Variants in VIT observed in about 807,000 individuals in gnomAD.
VIT encodes vitrin.
In VIT, 99 loss-of-function variants were observed where a neutral mutation model predicts 78.0. That is an observed-to-expected ratio of 1.27 (90% confidence interval 1.08 to 1.50). The LOEUF is 1.50. VIT is among the 40% of genes most tolerant of loss of function. The pLI, the probability that VIT is intolerant of heterozygous loss-of-function variation, is 0.00. For missense variants in VIT, 1,126 were observed against 875.3 expected (o/e 1.29, Z -3.61); for synonymous variants, 374 against 334.3 (o/e 1.12, Z -1.29).
intron 3 of VIT, among the ~76,000 whole-genome samples, chr2:36,731,618 T>G (rs1049015730): frequency 6.6e-6 from 1 of 152,120 alleles, no homozygotes; most frequent in Non-Finnish European, 1.5e-5. Flanking sequence ...AAGTAAGGGC[T>G]ATTATTACTA....
chr2:36,784,077 G>T (rs1232798144), intron 11 of VIT, among the ~76,000 whole-genome samples: 3 of 152,162 alleles, frequency 2.0e-5, no homozygotes, highest in African/African-American at 7.2e-5. Context: ...AAAGTAAGAA[G>T]ATACAGAAGA....
chr2:36,731,440 A>C (rs2148489303), intron 3 of VIT, among the ~76,000 whole-genome samples: 1 of 151,784 alleles, frequency 6.6e-6, no homozygotes, highest in African/African-American at 2.4e-5. Context: ...CACCCGGCTA[A>C]TTTTTTGTAT....
intron 15 of VIT, among the ~76,000 whole-genome samples, chr2:36,809,864 G>T (rs1351613285): frequency 1.3e-5 from 2 of 152,088 alleles, no homozygotes; most frequent in Non-Finnish European, 2.9e-5. Context: ...GGTGGTGCAC[G>T]CCTATTATCC....
rs530974859 is a variant in VIT, at chr2:36,791,439, G to A, written c.1058+4163G>A. On this transcript the variant is annotated intron_variant, in intron 12 of 15. Coordinates refer to ENST00000379242, the MANE Select transcript of VIT (RefSeq NM_053276.4). ...GAAGTTGTCAATGTCCAAATCCCTG[G>A]AAACCGTGAATGTTTTACCTCACAC... Among the ~76,000 whole-genome samples the A allele has an allele frequency of 1.5e-4, 23 of 152,318 alleles. No homozygotes were observed. In the South Asian group the frequency reaches 4.8e-3, roughly 32 times the overall value.
At chr2:36,806,639 C>T (rs1666749608) in intron 14 of VIT, among the ~76,000 whole-genome samples, 1 of 152,178 alleles carries the variant, frequency 6.6e-6, no homozygotes, top group Non-Finnish European at 1.5e-5. Flanking sequence ...CTCCGCCTCC[C>T]AGCTTCAAGC....
intron 3 of VIT, among the ~76,000 whole-genome samples, chr2:36,732,702 A>C (rs1667282354): frequency 6.6e-6 from 1 of 152,218 alleles, no homozygotes; most frequent in Non-Finnish European, 1.5e-5. Context: ...CTATGCCCTC[A>C]CAGAGCTCAC....
chr2:36,722,106 G>A (rs1459328506), intron 2 of VIT, among the ~76,000 whole-genome samples: 1 of 152,192 alleles, frequency 6.6e-6, no homozygotes, highest in African/African-American at 2.4e-5. Flanking sequence ...CTAAATTAAT[G>A]TCAATTAAGT....
At chr2:36,717,213 CT>C (rs1178754518) in intron 2 of VIT, among the ~76,000 whole-genome samples, 1 of 134,448 alleles carries the variant, frequency 7.4e-6, no homozygotes, top group Non-Finnish European at 1.6e-5. Context: ...GACGGAGTCT[CT>C]GTCGCCCAGG....
At chr2:36,800,347 A>C (rs1431833029) in intron 12 of VIT, among the ~76,000 whole-genome samples, 1 of 152,220 alleles carries the variant, frequency 6.6e-6, no homozygotes, top group Non-Finnish European at 1.5e-5. Flanking sequence ...TCCGTGTTAA[A>C]AAAGAAAGAA....
At chr2:36,708,110 T>TCCCCCCCCCCCCCCCCCCACCC (rs141908586) in intron 1 of VIT, among the ~76,000 whole-genome samples, 1 of 137,788 alleles carries the variant, frequency 7.3e-6, no homozygotes, top group Non-Finnish European at 1.6e-5. Context: ...GTAAAGGACC[T>TCCCCCCCCCCCCCCCCCCACCC]CCCCCCCCCG....
chr2:36,727,276 A>T (rs573200484), intron 2 of VIT, among the ~76,000 whole-genome samples: 188 of 152,142 alleles, frequency 1.2e-3, no homozygotes, highest in Non-Finnish European at 2.2e-3. Context: ...GCCTTCCCTC[A>T]GGCACACTCG....
chr2:36,735,579 T>A lies in VIT; in HGVS notation c.118+6088T>A, dbSNP rs540252935. ...CTAGAAGGTGGGTAACCCCACTGTT[T>A]CCTGGATGATGGGATGTTGGCAGAG... On this transcript the variant is annotated intron_variant, in intron 3 of 15. Transcript: ENST00000379242. Among the ~76,000 whole-genome samples the A allele has an allele frequency of 3.9e-5, 6 of 152,374 alleles. No individual in the cohort carries two copies. The South Asian group carries it at 1.2e-3, about 32-fold the overall frequency.
At chr2:36,704,276 G>A (rs922278843) in intron 1 of VIT, among the ~76,000 whole-genome samples, 1 of 152,256 alleles carries the variant, frequency 6.6e-6, no homozygotes, top group Non-Finnish European at 1.5e-5. Flanking sequence ...CTGCTCTGAT[G>A]AATGGGTGCA....
chr2:36,775,097 T>C lies in VIT; in HGVS notation c.802+30T>C, dbSNP rs1046688851. 2.5e-6 allele frequency: 4 copies of C among 1,611,752 alleles called. No individual in the cohort carries two copies. The African/African-American group carries it at 5.3e-5, about 22-fold the overall frequency. On this transcript the variant is annotated intron_variant, in intron 9 of 15. Transcript: ENST00000379242. ...GCTGCCCACTGCTTACCATCTCTGCTCCCTAGGAATTTGCTCTGTGGCACT... is the reference window on the plus strand; with the variant it reads ...GCTGCCCACTGCTTACCATCTCTGCCCCCTAGGAATTTGCTCTGTGGCACT...
At position 36,726,755 on chromosome 2, in the gene VIT, T is replaced by C. The variant is rs954911111; in HGVS notation, c.53-2671T>C. On this transcript the variant is annotated intron_variant, in intron 2 of 15. Coordinates refer to ENST00000379242, the MANE Select transcript of VIT (RefSeq NM_053276.4). ...AATCACTTGAACCCGGGAGGCGGAG[T>C]TTGCAGTGGGCCGAAATCACACTAC... 6.9e-5 allele frequency among the ~76,000 whole-genome samples: 10 copies of C among 144,968 alleles called. No individual in the cohort carries two copies. The Admixed American group carries it at 6.9e-4, about 10-fold the overall frequency.
chr2:36,768,900 A>G (rs1227610520), intron 7 of VIT, among the ~76,000 whole-genome samples: 1 of 152,214 alleles, frequency 6.6e-6, no homozygotes, highest in Non-Finnish European at 1.5e-5. Flanking sequence ...TGAAATAAGA[A>G]TTATTATTAT....
intron 6 of VIT, among the ~76,000 whole-genome samples, chr2:36,763,144 G>T (rs1157744527): frequency 6.6e-6 from 1 of 152,164 alleles, no homozygotes; most frequent in African/African-American, 2.4e-5. Flanking sequence ...TGAGTCCCCC[G>T]CTGTGGTTCT....
chr2:36,773,644 T>C, intron 7 of VIT, 147 bp from the exon 8 acceptor site: 2 of 523,768 alleles, frequency 3.8e-6, no homozygotes, highest in East Asian at 4.1e-5. Flanking sequence ...GGTGGGAGAA[T>C]CGCTTGAACC....
chr2:36,766,486 G>A (rs1404630947), intron 6 of VIT, among the ~76,000 whole-genome samples: 1 of 152,154 alleles, frequency 6.6e-6, no homozygotes, highest in African/African-American at 2.4e-5. Context: ...AGCTATAATT[G>A]TGCCACTGCA....
Sources: gnomAD v4.1 joint callset for allele counts (sites outside exome capture counted in the v4.1 genomes callset) on GRCh38, gnomAD v4.1.1 for gene constraint, MANE v1.5 for transcripts, NCBI Gene and HGNC (gene_info 2026-07-23, HGNC 2026-07-21) for gene names.